The following DLG2 variants were observed in gnomAD, a reference collection of about 807,000 sequenced individuals.
DLG2 encodes the protein disks large homolog 2.
DLG2 carries 45 observed loss-of-function variants against 132.5 expected under a neutral mutation model. The observed-to-expected ratio is 0.34, with a 90% CI of 0.27 to 0.44. The LOEUF (loss-of-function observed/expected upper bound fraction) is 0.44. Ranked by LOEUF, DLG2 falls within the 20% of genes least tolerant of loss-of-function variation. DLG2 has a pLI of 1.00. For synonymous variants in DLG2, 424 were observed against 419.6 expected (o/e 1.01, Z -0.13); for missense variants, 1,045 against 1,196.9 (o/e 0.87, Z 1.87).
At chr11:84,324,724 T>G (rs192223086) in intron 7 of DLG2, among the ~76,000 whole-genome samples, 131 of 152,294 alleles carry the variant, frequency 8.6e-4, no homozygotes, top group Non-Finnish European at 1.4e-3. Context: ...TAGTTTTTAG[T>G]GAACAAATCA....
At chr11:85,038,506 G>C (rs2061593660) in intron 6 of DLG2, among the ~76,000 whole-genome samples, 1 of 151,982 alleles carries the variant, frequency 6.6e-6, no homozygotes, top group Admixed American at 6.6e-5. Context: ...TATTTACACA[G>C]AAGTGACAAT....
At chr11:84,991,706 G>A (rs985540252) in intron 6 of DLG2, among the ~76,000 whole-genome samples, 3 of 152,052 alleles carry the variant, frequency 2.0e-5, no homozygotes, top group Non-Finnish European at 4.4e-5. Context: ...TGCTGATATT[G>A]TACTACAGTT....
At chr11:84,212,674 T>C (rs1357181518) in intron 8 of DLG2, among the ~76,000 whole-genome samples, 2 of 152,212 alleles carry the variant, frequency 1.3e-5, no homozygotes, top group African/African-American at 4.8e-5. Flanking sequence ...TTTCACTTTT[T>C]TTGAGACAAG....
intron 18 of DLG2, among the ~76,000 whole-genome samples, chr11:83,722,915 C>A (rs565027031): frequency 4.6e-5 from 7 of 152,074 alleles, no homozygotes; most frequent in African/African-American, 1.7e-4. Flanking sequence ...AAGTCCAGAA[C>A]GTATGTTACA....
intron 10 of DLG2, among the ~76,000 whole-genome samples, chr11:84,084,988 G>A (rs2096956621): frequency 6.6e-6 from 1 of 152,072 alleles, no homozygotes; most frequent in South Asian, 2.1e-4. Flanking sequence ...TTCCTCTACT[G>A]CAACAGTCCC....
At chr11:84,899,681 T>C (rs189430109) in intron 6 of DLG2, among the ~76,000 whole-genome samples, 2 of 152,130 alleles carry the variant, frequency 1.3e-5, no homozygotes, top group African/African-American at 4.8e-5. Context: ...CCCCTAGAAA[T>C]GGCAGTGAGC....
chr11:85,139,945 C>A (rs556042156), intron 5 of DLG2, among the ~76,000 whole-genome samples: 1 of 152,102 alleles, frequency 6.6e-6, no homozygotes, highest in African/African-American at 2.4e-5. Context: ...GCTTATTTCA[C>A]TTAGCATAAT....
rs564356219 is a variant in DLG2 at position 84,201,868 on chromosome 11, T to C, written c.574-38357A>G. Among the ~76,000 whole-genome samples the C allele has an allele frequency of 2.8e-5, 4 of 142,358 alleles. No homozygotes were observed. In the South Asian group the frequency reaches 7.1e-4, roughly 25 times the overall value. The allele number at this position is 142,358 out of a possible 152,430, so 93.4% of individuals were successfully genotyped here. ...GGAGTCTCACTCTGTCATCCAGGCA[T>C]AGTGTTATGGTGGGGTTTCGGCTCA... On this transcript the variant is annotated intron_variant, in intron 8 of 27. Coordinates refer to ENST00000376104, the MANE Select transcript of DLG2 (RefSeq NM_001142699.3).
intron 6 of DLG2, among the ~76,000 whole-genome samples, chr11:84,698,747 G>A (rs1272417357): frequency 6.6e-6 from 1 of 151,482 alleles, no homozygotes; most frequent in East Asian, 1.9e-4. Flanking sequence ...CTTTAAAGAT[G>A]AAGACACAGT....
At chr11:84,061,992 T>G (rs767427858) in intron 10 of DLG2, among the ~76,000 whole-genome samples, 1 of 152,156 alleles carries the variant, frequency 6.6e-6, no homozygotes, top group Non-Finnish European at 1.5e-5. Context: ...AACATAATGT[T>G]TACCATCACT....
At chr11:85,387,785 A>G (rs1032058345) in intron 3 of DLG2, among the ~76,000 whole-genome samples, 5 of 152,192 alleles carry the variant, frequency 3.3e-5, no homozygotes, top group Non-Finnish European at 7.3e-5. Context: ...CTTTATCTTT[A>G]AAAGTGGAAA....
Position 84,137,809 on chromosome 11 carries a change from C to T in DLG2, c.624+25652G>A, listed in dbSNP as rs559917618. On this transcript the variant is annotated intron_variant, in intron 9 of 27. Coordinates refer to ENST00000376104, the MANE Select transcript of DLG2 (RefSeq NM_001142699.3). Reference sequence around the variant, plus strand: ...TAAGACTAATTCATTAATTCAATAACCTTGAGATTTAAAAGATAGCTGATT... The same window carrying T: ...TAAGACTAATTCATTAATTCAATAATCTTGAGATTTAAAAGATAGCTGATT... 3.3e-5 allele frequency among the ~76,000 whole-genome samples: 5 copies of T among 152,098 alleles called. No individual in the cohort carries two copies. The South Asian group carries it at 1.0e-3, about 32-fold the overall frequency.
At chr11:83,488,557 C>A (rs1164230150) in intron 21 of DLG2, among the ~76,000 whole-genome samples, 2 of 151,970 alleles carry the variant, frequency 1.3e-5, no homozygotes, top group Non-Finnish European at 2.9e-5. Context: ...CTTTCTCATC[C>A]AGAAAACCTT....
chr11:85,062,925 C>T (rs533206101), intron 6 of DLG2, among the ~76,000 whole-genome samples: 52 of 151,772 alleles, frequency 3.4e-4, no homozygotes, highest in African/African-American at 1.3e-3. Flanking sequence ...TGTTAAAATG[C>T]CTCTGCCAGC....
intron 7 of DLG2, among the ~76,000 whole-genome samples, chr11:84,267,673 A>G (rs981984314): frequency 1.3e-5 from 2 of 152,224 alleles, no homozygotes; most frequent in African/African-American, 4.8e-5. Context: ...GTCACAGTCC[A>G]GCCTCTCTTA....
intron 3 of DLG2, among the ~76,000 whole-genome samples, chr11:85,518,297 C>G (rs1226298872): frequency 2.0e-5 from 3 of 152,052 alleles, no homozygotes; most frequent in Non-Finnish European, 4.4e-5. Context: ...TAACCAAAAC[C>G]CTGATAGTGA....
intron 18 of DLG2, among the ~76,000 whole-genome samples, chr11:83,691,635 G>C (rs561316094): frequency 6.6e-6 from 1 of 152,250 alleles, no homozygotes; most frequent in Admixed American, 6.5e-5. Flanking sequence ...GCTGGTTCTA[G>C]GTGCCTGTAA....
At chr11:84,611,024 T>TACACACACACACACACACAC (rs10587472) in intron 6 of DLG2, among the ~76,000 whole-genome samples, 11 of 138,200 alleles carry the variant, frequency 8.0e-5, no homozygotes, top group African/African-American at 3.0e-4. Context: ...TTAGATGACA[T>TACACACACACACACACACAC]ACACACACAC....
chr11:84,084,987 T>C (rs1049279328), intron 10 of DLG2, among the ~76,000 whole-genome samples: 2 of 152,206 alleles, frequency 1.3e-5, no homozygotes, highest in Admixed American at 1.3e-4. Context: ...TTTCCTCTAC[T>C]GCAACAGTCC....
Sources: allele counts gnomAD v4.1 joint callset (sites outside exome capture counted in the v4.1 genomes callset), GRCh38; gene constraint gnomAD v4.1.1; transcripts MANE v1.5; gene names NCBI Gene and HGNC (gene_info 2026-07-23, HGNC 2026-07-21).